CHAT: variants seen among roughly 807,000 people sequenced by gnomAD.
CHAT encodes the protein acetyl CoA:choline O-acetyltransferase.
A neutral mutation model predicts 76.9 loss-of-function variants in CHAT; 61 were observed. That is an observed-to-expected ratio of 0.79 (90% CI 0.65 to 0.98). The LOEUF is 0.98. CHAT is among the 50% of genes least tolerant of loss of function. The pLI is 0.00. For missense variants in CHAT, 946 were observed against 986.9 expected (o/e 0.96, Z 0.56); for synonymous variants, 407 against 397.4 (o/e 1.02, Z -0.29).
intron 4 of CHAT, 118 bp from the exon 5 acceptor site, chr10:49,621,979 G>T: frequency 1.8e-6 from 2 of 1,113,738 alleles, no homozygotes; most frequent in Non-Finnish European, 1.4e-6. Context: ...AGGGAGAAGG[G>T]AGGGAAGAGG....
rs1016607579 is a variant in CHAT, at chr10:49,616,723, C to G, written c.387+121C>G. Reference sequence around the variant, plus strand: ...TGCCTGGCCCCAGCCCTGCCCTCTACTGGCACAAGGCCCAGGCTACAGCTC... The same window carrying G: ...TGCCTGGCCCCAGCCCTGCCCTCTAGTGGCACAAGGCCCAGGCTACAGCTC... On this transcript the variant is annotated intron_variant, in intron 2 of 14. Coordinates refer to ENST00000337653, the MANE Select transcript of CHAT (RefSeq NM_020549.5). 9 of 753,912 alleles carry G rather than the reference C, an allele frequency of 1.2e-5. No homozygotes were observed. The South Asian group carries it at 1.3e-4, about 11-fold the overall frequency. 46.7% of individuals were successfully genotyped at this position (753,912 alleles called of 1,614,324 possible). A position where few individuals can be genotyped will look rare whatever the true frequency, so the allele number is the denominator to read the frequency against.
chr10:49,629,017 C>T (rs1401830338), intron 7 of CHAT, among the ~76,000 whole-genome samples: 1 of 152,286 alleles, frequency 6.6e-6, no homozygotes, highest in Non-Finnish European at 1.5e-5. Context: ...GGTGTCCGGC[C>T]TCAGGCCTGC....
Position 49,665,125 on chromosome 10 carries a change from C to T in CHAT, c.*79C>T. 2.0e-6 allele frequency: 3 copies of T among 1,494,846 alleles called. No homozygotes were observed. The highest frequency in any genetic ancestry group is 1.1e-5 in the South Asian group (1 of 88,230). 92.6% of individuals were successfully genotyped at this position (1,494,846 alleles called of 1,614,324 possible). A position where few individuals can be genotyped will look rare whatever the true frequency, so the allele number is the denominator to read the frequency against. On this transcript the variant is annotated 3_prime_UTR_variant, in exon 15 of 15. Coordinates refer to ENST00000337653, the MANE Select transcript of CHAT (RefSeq NM_020549.5). ...TGCAGATCCCCACTCCCGTCCCTTA[C>T]CCCAGCTTTCCACAGCTCCCTGTCC...
At chr10:49,609,963 G>A (rs1838245059), upstream of CHAT, among the ~76,000 whole-genome samples, 1 of 152,128 alleles carries the variant, frequency 6.6e-6, no homozygotes, top group African/African-American at 2.4e-5. Flanking sequence ...CGGCTGCCGC[G>A]CCCCCTTCCC....
rs1356086495 is a variant in CHAT at position 49,651,865 on chromosome 10, TTTTC to T, written c.1512-15_1512-12del. On this transcript the variant is annotated splice_polypyrimidine_tract_variant and intron_variant, in intron 10 of 14. Coordinates refer to ENST00000337653, the MANE Select transcript of CHAT (RefSeq NM_020549.5). ...CTGTTTTGCATGCAATAAAAACATCTTTTCTTTTTCTTCCTCAGAATAGTAAAGA... is the reference window on the plus strand; with the variant it reads ...CTGTTTTGCATGCAATAAAAACATCTTTTTTCTTCCTCAGAATAGTAAAGA... 1.9e-6 allele frequency: 3 copies of T among 1,611,162 alleles called. No individual in the cohort carries two copies. Among genetic ancestry groups the T allele is most frequent in the Non-Finnish European group, 2.5e-6 (3 of 1,178,418 alleles).
At position 49,627,652 on chromosome 10, in the gene CHAT, G is replaced by A; in HGVS notation, c.978G>A (p.Glu326=). ...TCATTAATTTCCGCCGTCTCAGTGA[G>A]GGGGATCTGTTCACTCAGTTGAGAA... The part of the protein sequence containing the change: ...DVVINFRRLS[E]GDLFTQLRKI... The change falls in exon 7 of 15, where the codon GAG becomes GAA. Residue 326 remains glutamate, a synonymous_variant. Transcript: ENST00000337653. The A allele has an allele frequency of 6.2e-7, 1 of 1,614,160 alleles. No homozygotes were observed. Among genetic ancestry groups the A allele is most frequent in the African/African-American group, 1.3e-5 (1 of 75,038 alleles).
intron 2 of CHAT, among the ~76,000 whole-genome samples, chr10:49,618,815 C>T (rs1015047870): frequency 6.6e-6 from 1 of 152,158 alleles, no homozygotes; most frequent in Admixed American, 6.5e-5. Context: ...CTTGGGAATT[C>T]CTCTGGAAGT....
At chr10:49,611,430 C>T (rs1415913998), upstream of CHAT, 4 of 1,597,922 alleles carry the variant, frequency 2.5e-6, no homozygotes, top group Admixed American at 1.7e-5. Context: ...TGGCCCCGCC[C>T]TTCGGGGGCA....
rs371888779 is a variant in CHAT, at chr10:49,649,641, G to A, written c.1511+5G>A. The A allele has an allele frequency of 1.1e-4, 178 of 1,613,578 alleles. 1 individual carries two copies. Among genetic ancestry groups the A allele is most frequent in the Non-Finnish European group, 1.4e-4 (162 of 1,180,018 alleles). The stretch of plus-strand genomic sequence containing the variant: ...CTCGGCAGAAAAACTTCAACGGTAA[G>A]GATAACCGAAGTCTCCTTTGAGGGG... On this transcript the variant is annotated splice_donor_5th_base_variant and intron_variant, in intron 10 of 14. Coordinates refer to ENST00000337653, the MANE Select transcript of CHAT (RefSeq NM_020549.5).
intron 7 of CHAT, chr10:49,637,754 T>C (rs138207714): frequency 8.2e-4 from 125 of 152,350 alleles, no homozygotes; most frequent in African/African-American, 2.9e-3. Flanking sequence ...CTTTGACCCA[T>C]TCATTGTTTA....
intron 7 of CHAT, among the ~76,000 whole-genome samples, chr10:49,643,461 G>A (rs1839554760): frequency 6.6e-6 from 1 of 152,188 alleles, no homozygotes; most frequent in Non-Finnish European, 1.5e-5. Flanking sequence ...ACCTGGCCAA[G>A]GCCTCCCCGG....
At chr10:49,644,298 G>A (rs1171284955) in intron 7 of CHAT, among the ~76,000 whole-genome samples, 1 of 152,194 alleles carries the variant, frequency 6.6e-6, no homozygotes, top group African/African-American at 2.4e-5. Context: ...TCTAGGGTGG[G>A]AAGGAGGTGG....
intron 8 of CHAT, chr10:49,647,084 T>A (rs890510369): frequency 8.7e-5 from 20 of 229,008 alleles, no homozygotes; most frequent in Non-Finnish European, 1.6e-4. Flanking sequence ...AAATAATAAT[T>A]TCTGATGCCC....
chr10:49,660,311 G>C (rs1199352181), intron 13 of CHAT, among the ~76,000 whole-genome samples: 3 of 152,024 alleles, frequency 2.0e-5, no homozygotes, highest in Admixed American at 2.0e-4. Context: ...TGTGGTGGCG[G>C]GGTGCCCGTA....
chr10:49,652,229 C>T (rs1839903549), intron 11 of CHAT, among the ~76,000 whole-genome samples: 1 of 152,148 alleles, frequency 6.6e-6, no homozygotes, highest in African/African-American at 2.4e-5. Flanking sequence ...GGTGATGGCA[C>T]AGGGGCACGG....
Position 49,667,490 on chromosome 10 carries a change from G to T in CHAT, c.*2444G>T, listed in dbSNP as rs946738932. The stretch of plus-strand genomic sequence containing the variant: ...CAAACAGTAAACGCTTGGCAGGAGG[G>T]AACACTTCCTCTCTCTGAGGAAGAG... On this transcript the variant is annotated 3_prime_UTR_variant, in exon 15 of 15. Transcript: ENST00000337653. 3.3e-5 allele frequency among the ~76,000 whole-genome samples: 5 copies of T among 152,220 alleles called. No homozygotes were observed. Among genetic ancestry groups the T allele is most frequent in the Non-Finnish European group, 7.3e-5 (5 of 68,038 alleles).
rs59979541 is a variant in CHAT at position 49,649,866 on chromosome 10, ATTTTTTTTTT to A, written c.1511+249_1511+258del. On this transcript the variant is annotated intron_variant, in intron 10 of 14. Transcript: ENST00000337653. ...TTCTCTAAAATGCAAACGCAGGGCT[ATTTTTTTTTT>A]TTTTTTTTTTTTTTTTTTCAGTTTC... Among the ~76,000 whole-genome samples the A allele has an allele frequency of 7.4e-4, 87 of 117,812 alleles. 1 individual carries two copies. The highest frequency in any genetic ancestry group is 3.1e-3 in the African/African-American group (81 of 26,014). 77.3% of individuals were successfully genotyped at this position (117,812 alleles called of 152,430 possible).
chr10:49,638,935 T>TA (rs200699487), intron 7 of CHAT, among the ~76,000 whole-genome samples: 3,873 of 152,090 alleles, frequency 0.025, 173 homozygotes, highest in African/African-American at 0.087. Flanking sequence ...TCTTTTCTTT[T>TA]AAAAAAAACT....
chr10:49,640,264 C>T (rs1329267675), intron 7 of CHAT, among the ~76,000 whole-genome samples: 2 of 152,146 alleles, frequency 1.3e-5, no homozygotes, highest in East Asian at 1.9e-4. Context: ...CTCCGCCTCC[C>T]GTGTTCAAAC....
Sources: allele counts gnomAD v4.1 joint callset (sites outside exome capture counted in the v4.1 genomes callset), GRCh38; gene constraint gnomAD v4.1.1; transcripts MANE v1.5; gene names NCBI Gene and HGNC (gene_info 2026-07-23, HGNC 2026-07-21).